ANAPC7: variants seen among roughly 807,000 people sequenced by gnomAD.
ANAPC7 encodes anaphase promoting complex subunit 7, also known as anaphase-promoting complex subunit 7.
ANAPC7 carries 25 observed loss-of-function variants against 63.3 expected under a neutral mutation model. The observed-to-expected ratio is 0.39, with a 90% CI of 0.29 to 0.55. The LOEUF (loss-of-function observed/expected upper bound fraction) is 0.55, where lower values mean the gene tolerates loss of function less well. Among genes scored for constraint, ANAPC7 ranks in the 20% least tolerant of loss-of-function variants. ANAPC7 has a pLI of 0.57. For synonymous variants in ANAPC7, 241 were observed against 251.7 expected, an observed-to-expected ratio of 0.96 and a Z score of 0.40; for missense variants, 516 against 691.7, an observed-to-expected ratio of 0.75 and a Z score of 2.85.
chr12:110,374,452 C>A (rs1881071006), intron 10 of ANAPC7, 119 bp from the exon 11 acceptor site: 1 of 936,744 alleles, frequency 1.1e-6, no homozygotes, highest in Non-Finnish European at 1.6e-6. Flanking sequence ...TGTGCTAAAG[C>A]CTGGCCTCTC....
intron 3 of ANAPC7, among the ~76,000 whole-genome samples, chr12:110,389,678 T>C (rs1295432102): frequency 6.6e-6 from 1 of 152,136 alleles, no homozygotes; most frequent in Non-Finnish European, 1.5e-5. Context: ...ATGCCTGTAA[T>C]CCCAGCACTT....
chr12:110,387,440 T>C (rs1400964688), intron 5 of ANAPC7: 1 of 83,202 alleles, frequency 1.2e-5, no homozygotes, highest in Admixed American at 1.3e-4. Flanking sequence ...AGACCGACCT[T>C]GTCTCAAAAA....
At chr12:110,377,966 A>T (rs1354848742) in intron 8 of ANAPC7, 9 of 423,434 alleles carry the variant, frequency 2.1e-5, no homozygotes, top group Non-Finnish European at 3.3e-5. Flanking sequence ...AAGAGATCAA[A>T]GTAGTGAGAG....
chr12:110,375,689 A>G (rs567933120), intron 10 of ANAPC7: 2 of 950,534 alleles, frequency 2.1e-6, no homozygotes, highest in East Asian at 2.3e-4. Flanking sequence ...CTTAATGACT[A>G]CAGTAGATAG....
At chr12:110,383,875 CAAAA>C (rs1159374781) in intron 6 of ANAPC7, among the ~76,000 whole-genome samples, 4 of 50,676 alleles carry the variant, frequency 7.9e-5, no homozygotes, top group Admixed American at 3.1e-4. Context: ...GACTCCGTCT[CAAAA>C]AAAAAAAAAA....
rs1341143259 is a variant in ANAPC7, at chr12:110,373,467, C to T, written c.*677G>A. 1 of 152,178 alleles carries T rather than the reference C, an allele frequency of 6.6e-6. No individual in the cohort carries two copies. Among genetic ancestry groups the T allele is most frequent in the African/African-American group, 2.4e-5 (1 of 41,432 alleles). 9.4% of individuals were successfully genotyped at this position (152,178 alleles called of 1,614,324 possible). On this transcript the variant is annotated 3_prime_UTR_variant, in exon 11 of 11. Coordinates refer to ENST00000455511, the MANE Select transcript of ANAPC7 (RefSeq NM_016238.3). ...TTGAAAAGGGCTTCCATTCTGATCA[C>T]CCCAACACCATGACTGTACAAACCA...
intron 8 of ANAPC7, chr12:110,378,119 A>C (rs1421216410): frequency 1.3e-5 from 2 of 156,466 alleles, no homozygotes; most frequent in Non-Finnish European, 2.8e-5. Flanking sequence ...TTTGCGACAG[A>C]GTTTCACTCT....
chr12:110,378,255 C>T (rs576625808), intron 8 of ANAPC7, among the ~76,000 whole-genome samples: 6 of 152,070 alleles, frequency 3.9e-5, no homozygotes, highest in Non-Finnish European at 7.4e-5. Flanking sequence ...CCACCACACC[C>T]GGCTAGTTTT....
chr12:110,402,118 T>A (rs1276927925), intron 1 of ANAPC7, among the ~76,000 whole-genome samples: 1 of 150,664 alleles, frequency 6.6e-6, no homozygotes, highest in Non-Finnish European at 1.5e-5. Context: ...GAGGCTGCAG[T>A]GAGCCAAGAC....
chr12:110,393,465 T>C (rs1378191344), intron 3 of ANAPC7, among the ~76,000 whole-genome samples: 2 of 152,058 alleles, frequency 1.3e-5, no homozygotes, highest in Non-Finnish European at 2.9e-5. Context: ...CAGTGGCTCC[T>C]GCCTGTAATC....
rs1278432099 is a variant in ANAPC7 at position 110,382,975 on chromosome 12, C to T, written c.818-15G>A. On this transcript the variant is annotated splice_polypyrimidine_tract_variant and intron_variant, in intron 6 of 10. Coordinates refer to ENST00000455511, the MANE Select transcript of ANAPC7 (RefSeq NM_016238.3). ...TACATCCATTCCTAGAAGAGAAGGA[C>T]ATAGTGAGAAGAGGTGTTTTAAGAA... 6.3e-6 allele frequency: 10 copies of T among 1,597,824 alleles called. No individual in the cohort carries two copies. Among genetic ancestry groups the T allele is most frequent in the Non-Finnish European group, 8.6e-6 (10 of 1,167,232 alleles).
chr12:110,384,430 C>A (rs1308763679), intron 6 of ANAPC7, among the ~76,000 whole-genome samples: 2 of 151,544 alleles, frequency 1.3e-5, no homozygotes, highest in Non-Finnish European at 2.9e-5. Context: ...GGAGGCCGGG[C>A]ACGGTGACTC....
At chr12:110,385,470 G>A (rs1299648562) in intron 6 of ANAPC7, among the ~76,000 whole-genome samples, 1 of 152,216 alleles carries the variant, frequency 6.6e-6, no homozygotes, top group Non-Finnish European at 1.5e-5. Context: ...GCCTGGGTCT[G>A]AGATTCCAAG....
chr12:110,398,579 T>C (rs970712632), intron 1 of ANAPC7, among the ~76,000 whole-genome samples: 20 of 152,202 alleles, frequency 1.3e-4, no homozygotes, highest in Admixed American at 8.5e-4. Flanking sequence ...CCATTCCTAA[T>C]GAGGAACTCA....
At chr12:110,374,598 C>A (rs1881086812) in intron 10 of ANAPC7, among the ~76,000 whole-genome samples, 1 of 152,122 alleles carries the variant, frequency 6.6e-6, no homozygotes, top group Admixed American at 6.5e-5. Flanking sequence ...ATACCTATTA[C>A]CCCTAGCATT....
chr12:110,377,437 C>T lies in ANAPC7; in HGVS notation c.1313G>A (p.Arg438Lys). The change falls in exon 9 of 11, where the codon AGG becomes AAG. Residue 438 changes from arginine (R) to lysine (K), a missense_variant. Physicochemically the swap from Arg to Lys is conservative, Grantham distance 26. Transcript: ENST00000455511. ...KTLLDKALTQRPDYIKAVVKK... is the reference protein window; with the variant it reads ...KTLLDKALTQKPDYIKAVVKK... ...CACCACAGCCTTAATGTAATCTGGC[C>T]TTTGGGTCAGGGCTTTATCTAATAA... 1 of 1,614,138 alleles carries T rather than the reference C, an allele frequency of 6.2e-7. No homozygotes were observed. Among genetic ancestry groups the T allele is most frequent in the South Asian group, 1.1e-5 (1 of 91,084 alleles).
chr12:110,374,919 C>A (rs530737763), intron 10 of ANAPC7, among the ~76,000 whole-genome samples: 24 of 152,164 alleles, frequency 1.6e-4, no homozygotes, highest in Middle Eastern at 3.4e-3. Flanking sequence ...CATACGCCAC[C>A]CCCACCCCCA....
chr12:110,381,677 C>T, intron 8 of ANAPC7, 75 bp downstream of exon 8: 2 of 1,441,128 alleles, frequency 1.4e-6, no homozygotes, highest in Middle Eastern at 2.4e-4. Context: ...AAGTGCTGGC[C>T]TAATGAAACC....
intron 1 of ANAPC7, among the ~76,000 whole-genome samples, chr12:110,402,225 A>G (rs1037471798): frequency 6.6e-6 from 1 of 152,160 alleles, no homozygotes; most frequent in Admixed American, 6.5e-5. Context: ...ATAGCCAGGG[A>G]GGCTAGAGAG....
Sources: allele counts gnomAD v4.1 joint callset (sites outside exome capture counted in the v4.1 genomes callset), GRCh38; gene constraint gnomAD v4.1.1; transcripts MANE v1.5; gene names NCBI Gene and HGNC (gene_info 2026-07-23, HGNC 2026-07-21).